Variants in UGGT2 observed in about 807,000 individuals in gnomAD.
UGGT2 encodes UDP-glucose glycoprotein glucosyltransferase 2, also known as UDP-glucose:glycoprotein glucosyltransferase 2.
UGGT2 carries 180 observed loss-of-function variants against 192.1 expected under a neutral mutation model. That is an observed-to-expected ratio of 0.94 (90% CI 0.83 to 1.06). The LOEUF is 1.06. Among genes scored for constraint, UGGT2 ranks in the 50% least tolerant of loss-of-function variants. UGGT2 has a pLI of 0.00. For synonymous variants in UGGT2, 580 were observed against 591.0 expected (o/e 0.98, Z 0.27); for missense variants, 1,849 against 1,795.7 (o/e 1.03, Z -0.54).
intron 10 of UGGT2, chr13:95,983,480 G>A (rs2051192240): frequency 4.6e-6 from 2 of 432,324 alleles, no homozygotes; most frequent in Non-Finnish European, 9.0e-6. Context: ...CACTGACTCA[G>A]TCTTCACAAG....
At position 95,944,661 on chromosome 13, in the gene UGGT2, A is replaced by C. The variant is rs539323097; in HGVS notation, c.1677+2376T>G. On this transcript the variant is annotated intron_variant, in intron 15 of 38. Transcript: ENST00000376747. ...TAGTTCATTAATGTATATTCTTATT[A>C]CTTTCCATCTACTTTTTAAAAATCA... Among the ~76,000 whole-genome samples the C allele has an allele frequency of 1.7e-4, 26 of 152,092 alleles. No individual in the cohort carries two copies. The South Asian group carries it at 3.7e-3, about 22-fold the overall frequency.
intron 4 of UGGT2, among the ~76,000 whole-genome samples, chr13:96,021,526 C>T (rs781678761): frequency 2.7e-4 from 41 of 151,730 alleles, no homozygotes; most frequent in Non-Finnish European, 4.1e-4. Context: ...GTAGAATGAC[C>T]GATAAAAATT....
intron 38 of UGGT2, among the ~76,000 whole-genome samples, chr13:95,814,982 C>T (rs1336648688): frequency 6.6e-6 from 1 of 152,104 alleles, no homozygotes; most frequent in Admixed American, 6.5e-5. Flanking sequence ...GCCATATGAT[C>T]ATCTCAACAG....
chr13:95,991,807 T>C (rs757557144), intron 7 of UGGT2, among the ~76,000 whole-genome samples: 1 of 152,180 alleles, frequency 6.6e-6, no homozygotes, highest in Non-Finnish European at 1.5e-5. Flanking sequence ...AGGCAACATA[T>C]ATATTATTCA....
chr13:95,889,455 T>C (rs2047739733), intron 25 of UGGT2, among the ~76,000 whole-genome samples: 1 of 152,180 alleles, frequency 6.6e-6, no homozygotes, highest in Admixed American at 6.5e-5. Flanking sequence ...TTTTGAAATT[T>C]TGATATACAG....
At chr13:95,978,271 T>A (rs2051002464) in intron 10 of UGGT2, among the ~76,000 whole-genome samples, 1 of 152,206 alleles carries the variant, frequency 6.6e-6, no homozygotes, top group Non-Finnish European at 1.5e-5. Flanking sequence ...TGGTTTTGAT[T>A]TGCATTTCCC....
intron 7 of UGGT2, among the ~76,000 whole-genome samples, chr13:95,991,938 C>T (rs1166327984): frequency 6.6e-6 from 1 of 152,072 alleles, no homozygotes; most frequent in Non-Finnish European, 1.5e-5. Flanking sequence ...AGGCGGATCA[C>T]GAGGTCAGGA....
intron 17 of UGGT2, among the ~76,000 whole-genome samples, chr13:95,931,336 C>A (rs1040209134): frequency 6.6e-6 from 1 of 152,214 alleles, no homozygotes; most frequent in Non-Finnish European, 1.5e-5. Flanking sequence ...CATAAAGGTT[C>A]TCCAAGTCCC....
At chr13:95,984,571 C>A (rs1476140620) in intron 9 of UGGT2, among the ~76,000 whole-genome samples, 2 of 152,114 alleles carry the variant, frequency 1.3e-5, no homozygotes, top group East Asian at 1.9e-4. Context: ...CTCAAGTGAC[C>A]CTCCTACTGC....
At chr13:95,816,098 G>A (rs1176311411) in intron 38 of UGGT2, among the ~76,000 whole-genome samples, 1 of 152,156 alleles carries the variant, frequency 6.6e-6, no homozygotes, top group Non-Finnish European at 1.5e-5. Context: ...CATGCTTCTT[G>A]TAGAGCCTGT....
intron 38 of UGGT2, 100 bp from the exon 39 acceptor site, chr13:95,801,912 G>C (rs1235612792): frequency 2.2e-5 from 31 of 1,404,004 alleles, no homozygotes; most frequent in Non-Finnish European, 2.6e-5. Flanking sequence ...ACTGACTGAG[G>C]ATCCTTTATT....
intron 12 of UGGT2, among the ~76,000 whole-genome samples, chr13:95,951,379 G>C (rs912840436): frequency 1.3e-5 from 2 of 152,210 alleles, no homozygotes; most frequent in East Asian, 3.9e-4. Context: ...CTCAGTCTGA[G>C]GAAGAAAAGA....
At chr13:95,829,114 C>T (rs9590335) in intron 38 of UGGT2, among the ~76,000 whole-genome samples, 6,922 of 152,234 alleles carry the variant, frequency 0.045, 301 homozygotes, top group East Asian at 0.14. Context: ...TGACAAAATT[C>T]AACAGCCCTT....
chr13:95,920,106 G>C (rs745802235), intron 20 of UGGT2, among the ~76,000 whole-genome samples: 1 of 152,130 alleles, frequency 6.6e-6, no homozygotes, highest in Non-Finnish European at 1.5e-5. Flanking sequence ...TGGGGAAAGG[G>C]TTCCCTATTT....
chr13:95,832,836 T>G (rs1219311539), intron 38 of UGGT2, 91 bp downstream of exon 38: 11 of 1,541,420 alleles, frequency 7.1e-6, no homozygotes, highest in Non-Finnish European at 9.7e-6. Context: ...CTTAATCATT[T>G]TATAAATTCA....
At chr13:95,897,298 T>C (rs778423664) in intron 22 of UGGT2, among the ~76,000 whole-genome samples, 1 of 149,978 alleles carries the variant, frequency 6.7e-6, no homozygotes, top group Non-Finnish European at 1.5e-5. Flanking sequence ...GATCTGACTA[T>C]AAAACAAAAA....
At chr13:95,901,072 T>C (rs2048092809) in intron 21 of UGGT2, 134 bp from the exon 22 acceptor site, 1 of 681,712 alleles carries the variant, frequency 1.5e-6, no homozygotes, top group Non-Finnish European at 2.0e-6. Context: ...TAATTTTCTT[T>C]GAAAGAACAT....
At chr13:95,842,133 A>C (rs964814604) in intron 36 of UGGT2, among the ~76,000 whole-genome samples, 3 of 152,202 alleles carry the variant, frequency 2.0e-5, no homozygotes, top group African/African-American at 7.2e-5. Flanking sequence ...AACATAATTG[A>C]ATATAGCTAT....
At chr13:95,828,433 T>C (rs1001180430) in intron 38 of UGGT2, among the ~76,000 whole-genome samples, 6 of 151,402 alleles carry the variant, frequency 4.0e-5, no homozygotes, top group East Asian at 1.9e-4. Flanking sequence ...GCAAGGCTAA[T>C]GAAGAAAGGA....
Sources: allele counts gnomAD v4.1 joint callset (sites outside exome capture counted in the v4.1 genomes callset), GRCh38; gene constraint gnomAD v4.1.1; transcripts MANE v1.5; gene names NCBI Gene and HGNC (gene_info 2026-07-23, HGNC 2026-07-21).